The following SLC44A5 variants were observed in gnomAD, a reference collection of about 807,000 sequenced individuals.
The protein encoded by SLC44A5 is solute carrier family 44 member 5, also known as choline transporter-like protein 5.
SLC44A5 carries 57 observed loss-of-function variants against 101.8 expected under a neutral mutation model. The ratio of observed to expected loss-of-function variants is 0.56; its 90% CI spans 0.45 to 0.70. The LOEUF (loss-of-function observed/expected upper bound fraction) is 0.70. SLC44A5 is among the 30% of genes least tolerant of loss of function. The probability of loss-of-function intolerance (pLI) is 0.00; values close to 1 mark genes in which losing one functional copy is unlikely to be tolerated. For synonymous variants in SLC44A5, 281 were observed against 290.9 expected (o/e 0.97, Z 0.35); for missense variants, 737 against 853.1 (o/e 0.86, Z 1.70).
intron 3 of SLC44A5, among the ~76,000 whole-genome samples, chr1:75,350,172 TCCCA>T (rs1658539350): frequency 6.6e-6 from 1 of 151,960 alleles, no homozygotes; most frequent in Non-Finnish European, 1.5e-5. Flanking sequence ...AGAGAGGGGT[TCCCA>T]TGATTAGATT....
chr1:75,395,778 G>A (rs1199706211), intron 3 of SLC44A5, among the ~76,000 whole-genome samples: 1 of 152,008 alleles, frequency 6.6e-6, no homozygotes, highest in Non-Finnish European at 1.5e-5. Flanking sequence ...ACCTTGCTAT[G>A]GTGATCACCG....
intron 7 of SLC44A5, among the ~76,000 whole-genome samples, chr1:75,250,209 G>A (rs1649446187): frequency 6.6e-6 from 1 of 151,898 alleles, no homozygotes; most frequent in Non-Finnish European, 1.5e-5. Context: ...GTGTCCATAT[G>A]TTCTCATCAT....
chr1:75,392,279 A>G (rs1455582634), intron 3 of SLC44A5, among the ~76,000 whole-genome samples: 1 of 152,222 alleles, frequency 6.6e-6, no homozygotes, highest in Non-Finnish European at 1.5e-5. Flanking sequence ...TGCACCCAAC[A>G]AAGGTCTAAT....
chr1:75,359,830 C>T (rs1659359376), intron 3 of SLC44A5, among the ~76,000 whole-genome samples: 1 of 152,140 alleles, frequency 6.6e-6, no homozygotes. Context: ...CTCACCAACA[C>T]TTGTTATCTT....
chr1:75,430,252 A>G (rs1302339634), intron 2 of SLC44A5, among the ~76,000 whole-genome samples: 1 of 152,076 alleles, frequency 6.6e-6, no homozygotes, highest in African/African-American at 2.4e-5. Context: ...CCACATGAGG[A>G]CACAGCATTC....
At position 75,365,416 on chromosome 1, in the gene SLC44A5, A is replaced by T. The variant is rs139909635; in HGVS notation, c.53-25786T>A. Among the ~76,000 whole-genome samples, 570 of 152,272 alleles carry T rather than the reference A, an allele frequency of 3.7e-3. 5 individuals are homozygous for T. The highest frequency in any genetic ancestry group is 0.013 in the African/African-American group (545 of 41,546). Reference sequence around the variant, plus strand: ...AGCTCCAACTTATAAATAAGAACACATGGTATTTGGTTTTCTGTTCCTGCA... The same window carrying T: ...AGCTCCAACTTATAAATAAGAACACTTGGTATTTGGTTTTCTGTTCCTGCA... On this transcript the variant is annotated intron_variant, in intron 3 of 23. Coordinates refer to ENST00000370859, the MANE Select transcript of SLC44A5 (RefSeq NM_001130058.2).
intron 3 of SLC44A5, among the ~76,000 whole-genome samples, chr1:75,387,003 C>G (rs545699297): frequency 2.6e-5 from 4 of 151,596 alleles, no homozygotes; most frequent in Non-Finnish European, 5.9e-5. Context: ...AACTGGCTAG[C>G]CATATGTAGA....
At chr1:75,709,710 C>A in the SLC44A5 span, among the ~76,000 whole-genome samples, 1 of 152,266 alleles carries the variant, frequency 6.6e-6, no homozygotes, top group African/African-American at 2.4e-5. Flanking sequence ...AACATTGTAT[C>A]TTTTATCAGT....
intron 2 of SLC44A5, among the ~76,000 whole-genome samples, chr1:75,494,699 C>A (rs570721826): frequency 6.6e-6 from 1 of 152,280 alleles, no homozygotes; most frequent in South Asian, 2.1e-4. Context: ...CACTAGACCC[C>A]TGAGAGTGAC....
At chr1:75,670,947 T>C in the SLC44A5 span, among the ~76,000 whole-genome samples, 1 of 152,180 alleles carries the variant, frequency 6.6e-6, no homozygotes, top group African/African-American at 2.4e-5. Flanking sequence ...ATGACCGTCA[T>C]GAAGAAAGAA....
At chr1:75,283,101 G>A (rs1229095556) in intron 5 of SLC44A5, among the ~76,000 whole-genome samples, 1 of 151,976 alleles carries the variant, frequency 6.6e-6, no homozygotes, top group Non-Finnish European at 1.5e-5. Flanking sequence ...CATAGTGGTA[G>A]TACTAGTTTA....
chr1:75,303,105 T>C (rs1175671648), intron 4 of SLC44A5, among the ~76,000 whole-genome samples: 2 of 152,222 alleles, frequency 1.3e-5, no homozygotes, highest in Admixed American at 6.5e-5. Flanking sequence ...TAAGGTTTTG[T>C]ATTTATAATG....
At chr1:75,333,061 A>G (rs1341143657) in intron 4 of SLC44A5, among the ~76,000 whole-genome samples, 1 of 152,154 alleles carries the variant, frequency 6.6e-6, no homozygotes, top group African/African-American at 2.4e-5. Context: ...AGAAAAAAAG[A>G]ACACAAAATT....
chr1:75,664,202 A>T, the SLC44A5 span, among the ~76,000 whole-genome samples: 1 of 152,186 alleles, frequency 6.6e-6, no homozygotes, highest in East Asian at 1.9e-4. Context: ...CCAACATCTT[A>T]CTGAATAGGC....
chr1:75,495,325 G>A (rs1287572164), intron 2 of SLC44A5, among the ~76,000 whole-genome samples: 1 of 151,766 alleles, frequency 6.6e-6, no homozygotes, highest in Admixed American at 6.6e-5. Context: ...TGTGGTGGCG[G>A]GCACCTGTAG....
chr1:75,708,888 C>T, the SLC44A5 span, among the ~76,000 whole-genome samples: 6,856 of 151,912 alleles, frequency 0.045, 219 homozygotes, highest in African/African-American at 0.095. Context: ...AATAATTAGC[C>T]GGTACTTATA....
chr1:75,351,893 AAAAAG>A (rs1300401722), intron 3 of SLC44A5, among the ~76,000 whole-genome samples: 1 of 148,484 alleles, frequency 6.7e-6, no homozygotes, highest in Non-Finnish European at 1.5e-5. Context: ...AAAGGAAAAG[AAAAAG>A]AAAAGAAATT....
At chr1:75,525,403 T>C (rs1670354987) in intron 2 of SLC44A5, among the ~76,000 whole-genome samples, 1 of 152,150 alleles carries the variant, frequency 6.6e-6, no homozygotes, top group South Asian at 2.1e-4. Flanking sequence ...AATTAAGCCA[T>C]TAGACCCATT....
intron 2 of SLC44A5, among the ~76,000 whole-genome samples, chr1:75,484,715 C>G (rs1557836495): frequency 6.6e-6 from 1 of 152,256 alleles, no homozygotes; most frequent in African/African-American, 2.4e-5. Flanking sequence ...GGTTCCACCC[C>G]AGCAGCAGAC....
Sources: allele counts gnomAD v4.1 joint callset (sites outside exome capture counted in the v4.1 genomes callset), GRCh38; gene constraint gnomAD v4.1.1; transcripts MANE v1.5; gene names NCBI Gene and HGNC (gene_info 2026-07-23, HGNC 2026-07-21).